The following GPR63 variants were observed in gnomAD, a reference collection of about 807,000 sequenced individuals.
The protein encoded by GPR63 is G protein-coupled receptor 63.
GPR63 carries 12 observed loss-of-function variants against 23.1 expected under a neutral mutation model. The ratio of observed to expected loss-of-function variants is 0.52; its 90% CI spans 0.33 to 0.84. The LOEUF (loss-of-function observed/expected upper bound fraction) is 0.84, where lower values mean the gene tolerates loss of function less well. Ranked by LOEUF, GPR63 falls within the 40% of genes least tolerant of loss-of-function variation. GPR63 has a pLI of 0.02. For synonymous variants in GPR63, 172 were observed against 191.1 expected, an observed-to-expected ratio of 0.90 and a Z score of 0.82; for missense variants, 472 against 515.6, an observed-to-expected ratio of 0.92 and a Z score of 0.82.
rs1464849684 is a variant in GPR63 at position 96,797,340 on chromosome 6, A to C, written c.*1132T>G. ...AGAAAATAAAGGCTAATTTTTAAAA[A>C]GAATATCATAGTCTAAAAAATTAAA... On this transcript the variant is annotated 3_prime_UTR_variant, in exon 2 of 2. Coordinates refer to ENST00000229955, the MANE Select transcript of GPR63 (RefSeq NM_030784.4). 6.6e-6 allele frequency: 1 copy of C among 152,224 alleles called. No homozygotes were observed. Among genetic ancestry groups the C allele is most frequent in the Admixed American group, 6.5e-5 (1 of 15,280 alleles). The allele number at this position is 152,224 out of a possible 1,614,324, so 9.4% of individuals were successfully genotyped here. A position where few individuals can be genotyped will look rare whatever the true frequency, so the allele number is the denominator to read the frequency against.
intron 1 of GPR63, among the ~76,000 whole-genome samples, chr6:96,831,942 T>A (rs988765919): frequency 1.3e-5 from 2 of 151,764 alleles, no homozygotes; most frequent in Non-Finnish European, 1.5e-5. Flanking sequence ...AAAAATTTTT[T>A]AAAAATTGCA....
At chr6:96,832,792 G>T (rs1774621687) in intron 1 of GPR63, among the ~76,000 whole-genome samples, 1 of 135,448 alleles carries the variant, frequency 7.4e-6, no homozygotes, top group Non-Finnish European at 1.6e-5. Context: ...TTAAATACAA[G>T]TTAAAAAAAA....
At chr6:96,836,332 G>A (rs1050080679) in intron 1 of GPR63, among the ~76,000 whole-genome samples, 1 of 152,196 alleles carries the variant, frequency 6.6e-6, no homozygotes, top group African/African-American at 2.4e-5. Context: ...TTTTATCCAT[G>A]ATTCTTAGAA....
At chr6:96,832,118 C>T (rs1446097542) in intron 1 of GPR63, among the ~76,000 whole-genome samples, 4 of 151,878 alleles carry the variant, frequency 2.6e-5, no homozygotes, top group Non-Finnish European at 5.9e-5. Flanking sequence ...TATATCTACA[C>T]TAAGGGCCAT....
At chr6:96,821,324 T>G (rs1488244353) in intron 1 of GPR63, among the ~76,000 whole-genome samples, 1 of 152,342 alleles carries the variant, frequency 6.6e-6, no homozygotes, top group East Asian at 1.9e-4. Flanking sequence ...TCCTTCATCC[T>G]TGCAAATGAC....
rs1052346871 is a variant in GPR63, at chr6:96,797,944, C to G, written c.*528G>C. 9.2e-5 allele frequency: 14 copies of G among 152,922 alleles called. No homozygotes were observed. The highest frequency in any genetic ancestry group is 3.4e-4 in the African/African-American group (14 of 41,544). 9.5% of individuals were successfully genotyped at this position (152,922 alleles called of 1,614,324 possible). ...AAGACTGAATTAATTTGTACATTAT[C>G]TCTTAAAGTGCACCAAAGTAAATAG... On this transcript the variant is annotated 3_prime_UTR_variant, in exon 2 of 2. Transcript: ENST00000229955.
chr6:96,808,439 G>T (rs1345444471), intron 1 of GPR63, among the ~76,000 whole-genome samples: 1 of 152,106 alleles, frequency 6.6e-6, no homozygotes, highest in African/African-American at 2.4e-5. Context: ...TTTCCCATGG[G>T]GTTGCTAAAA....
At position 96,794,395 on chromosome 6, in the gene GPR63, A is replaced by G. The variant is rs933663244; in HGVS notation, c.*4077T>C. The G allele has an allele frequency of 1.3e-5, 2 of 152,166 alleles. No individual in the cohort carries two copies. The highest frequency in any genetic ancestry group is 2.9e-5 in the Non-Finnish European group (2 of 68,008). 9.4% of individuals were successfully genotyped at this position (152,166 alleles called of 1,614,324 possible). On this transcript the variant is annotated 3_prime_UTR_variant, in exon 2 of 2. Coordinates refer to ENST00000229955, the MANE Select transcript of GPR63 (RefSeq NM_030784.4). Reference sequence around the variant, plus strand: ...TTTTATCATAAAAACTGAGTTTTCAATGAAGGCAGTTTAGCAGGACTATAG... The same window carrying G: ...TTTTATCATAAAAACTGAGTTTTCAGTGAAGGCAGTTTAGCAGGACTATAG...
rs767222932 is a variant in GPR63 at position 96,798,607 on chromosome 6, A to T, written c.1125T>A (p.Ile375=). ...ALNPLIYYWR[I]KKFHDACLDM... Reference sequence around the variant, plus strand: ...CCAGGCAAGCATCATGGAATTTCTTAATCCTCCAGTAGTAGATCAGCGGAT... The same window carrying T: ...CCAGGCAAGCATCATGGAATTTCTTTATCCTCCAGTAGTAGATCAGCGGAT... The change falls in exon 2 of 2, where the codon ATT becomes ATA. Residue 375 remains isoleucine, a synonymous_variant. Coordinates refer to ENST00000229955, the MANE Select transcript of GPR63 (RefSeq NM_030784.4). 37 of 1,614,118 alleles carry T rather than the reference A, an allele frequency of 2.3e-5. No individual in the cohort carries two copies. Among genetic ancestry groups the T allele is most frequent in the Non-Finnish European group, 2.5e-5 (29 of 1,180,044 alleles).
intron 1 of GPR63, among the ~76,000 whole-genome samples, chr6:96,801,149 T>A (rs986132566): frequency 1.3e-5 from 2 of 152,168 alleles, no homozygotes; most frequent in African/African-American, 4.8e-5. Context: ...AAAACATACA[T>A]GTACAGCAGT....
At chr6:96,818,110 A>G (rs1011002464) in intron 1 of GPR63, among the ~76,000 whole-genome samples, 3 of 151,936 alleles carry the variant, frequency 2.0e-5, no homozygotes, top group Non-Finnish European at 4.4e-5. Context: ...AAATGCTAAA[A>G]TTTCTATGGA....
At chr6:96,815,761 A>G (rs569648987) in intron 1 of GPR63, among the ~76,000 whole-genome samples, 37 of 152,362 alleles carry the variant, frequency 2.4e-4, no homozygotes, top group African/African-American at 8.4e-4. Context: ...AAAAAATGAG[A>G]TGCCTCATGA....
chr6:96,795,186 T>C lies in GPR63; in HGVS notation c.*3286A>G, dbSNP rs948664087. 3.3e-5 allele frequency: 5 copies of C among 152,186 alleles called. No individual in the cohort carries two copies. The highest frequency in any genetic ancestry group is 7.3e-5 in the Non-Finnish European group (5 of 68,044). The allele number at this position is 152,186 out of a possible 1,614,324, so 9.4% of individuals were successfully genotyped here. ...GCTCCCTTGGGGATGCTTAAACATGTATTAAAGTTTAAATAATGTTACTCC... is the reference window on the plus strand; with the variant it reads ...GCTCCCTTGGGGATGCTTAAACATGCATTAAAGTTTAAATAATGTTACTCC... On this transcript the variant is annotated 3_prime_UTR_variant, in exon 2 of 2. Coordinates refer to ENST00000229955, the MANE Select transcript of GPR63 (RefSeq NM_030784.4).
At position 96,798,695 on chromosome 6, in the gene GPR63, T is replaced by C; in HGVS notation, c.1037A>G (p.Gln346Arg). 3 of 1,614,188 alleles carry C rather than the reference T, an allele frequency of 1.9e-6. No individual in the cohort carries two copies. The highest frequency in any genetic ancestry group is 2.5e-6 in the Non-Finnish European group (3 of 1,180,032). Residue 346 changes from glutamine to arginine, a missense_variant, in exon 2 of 2, where the codon CAG (glutamine) becomes CGG (arginine). By Grantham distance (43) the Gln-to-Arg change is conservative. Coordinates refer to ENST00000229955, the MANE Select transcript of GPR63 (RefSeq NM_030784.4). The stretch of plus-strand genomic sequence containing the variant: ...GGTGCTAATCTCAAAAAAGTTGTGC[T>C]GATAGTAAAAGTGCTTACTGAATGT... ...VATFSKHFYY[Q>R]HNFFEISTWL...
At chr6:96,812,527 A>G (rs1423109818) in intron 1 of GPR63, among the ~76,000 whole-genome samples, 1 of 152,166 alleles carries the variant, frequency 6.6e-6, no homozygotes, top group African/African-American at 2.4e-5. Context: ...AAGTGGCATG[A>G]AAGGTCAGCA....
At position 96,799,366 on chromosome 6, in the gene GPR63, G is replaced by T; in HGVS notation, c.366C>A (p.Ser122Arg). ...CAAGCAACATGTCTGCAAAAGCTAG[G>T]CTGGCAAGGAGGATGTTAATTGCAG... The part of the protein sequence containing the change: ...MRSAINILLA[S>R]LAFADMLLAV... The change falls in exon 2 of 2, where the codon AGC becomes AGA. Residue 122 changes from serine (S) to arginine (R), a missense_variant. Physicochemically the swap from Ser to Arg is moderately radical, Grantham distance 110. Transcript: ENST00000229955. 6.2e-7 allele frequency: 1 copy of T among 1,614,152 alleles called. No individual in the cohort carries two copies. Among genetic ancestry groups the T allele is most frequent in the Non-Finnish European group, 8.5e-7 (1 of 1,180,016 alleles).
At chr6:96,801,158 G>A (rs1341130452) in intron 1 of GPR63, among the ~76,000 whole-genome samples, 4 of 151,488 alleles carry the variant, frequency 2.6e-5, no homozygotes, top group Non-Finnish European at 5.9e-5. Context: ...ATGTACAGCA[G>A]TTTAAAACAA....
chr6:96,835,132 T>C (rs1475112414), intron 1 of GPR63, among the ~76,000 whole-genome samples: 1 of 152,188 alleles, frequency 6.6e-6, no homozygotes, highest in African/African-American at 2.4e-5. Flanking sequence ...GGTTCCCTGA[T>C]CCAAGCCTTG....
intron 1 of GPR63, among the ~76,000 whole-genome samples, chr6:96,830,921 G>A (rs1482155619): frequency 2.0e-5 from 3 of 152,140 alleles, no homozygotes; most frequent in Non-Finnish European, 4.4e-5. Flanking sequence ...TGGCTAAGAC[G>A]AAGTTTCATA....
Sources: gnomAD v4.1 joint callset for allele counts (sites outside exome capture counted in the v4.1 genomes callset) on GRCh38, gnomAD v4.1.1 for gene constraint, MANE v1.5 for transcripts, NCBI Gene and HGNC (gene_info 2026-07-23, HGNC 2026-07-21) for gene names.